Variants in DPYS observed in about 807,000 individuals in gnomAD.
DPYS encodes dihydropyrimidine amidohydrolase.
Under a neutral mutation model 50.3 loss-of-function variants are expected in DPYS, and 39 were observed. That is an observed-to-expected ratio of 0.78 (90% CI 0.60 to 1.01). The LOEUF (loss-of-function observed/expected upper bound fraction) is 1.01, where lower values mean the gene tolerates loss of function less well. DPYS is among the 50% of genes least tolerant of loss of function. DPYS has a pLI of 0.00. For missense variants in DPYS, 659 were observed against 680.9 expected (o/e 0.97, Z 0.36); for synonymous variants, 245 against 250.7 (o/e 0.98, Z 0.22).
intron 8 of DPYS, among the ~76,000 whole-genome samples, chr8:104,392,063 G>T (rs1050317986): frequency 2.0e-5 from 3 of 152,230 alleles, no homozygotes; most frequent in Non-Finnish European, 2.9e-5. Flanking sequence ...GCGAGGGCAA[G>T]AGAGAATTTA....
intron 7 of DPYS, among the ~76,000 whole-genome samples, chr8:104,407,281 C>T (rs1588416596): frequency 6.6e-6 from 1 of 152,212 alleles, no homozygotes; most frequent in Admixed American, 6.5e-5. Flanking sequence ...TATAGTGTCT[C>T]TCACTATAAG....
intron 7 of DPYS, among the ~76,000 whole-genome samples, chr8:104,399,311 C>CA (rs1188049345): frequency 0.018 from 515 of 28,060 alleles, 25 homozygotes; most frequent in Non-Finnish European, 0.029. Flanking sequence ...AAAAAAAAAA[C>CA]AACAACAAAA....
chr8:104,445,906 G>T (rs555138497), intron 3 of DPYS, among the ~76,000 whole-genome samples: 2 of 152,086 alleles, frequency 1.3e-5, no homozygotes, highest in South Asian at 2.1e-4. Flanking sequence ...TTAGCCGGGC[G>T]TGGTGGCGGG....
intron 4 of DPYS, among the ~76,000 whole-genome samples, chr8:104,431,779 G>T (rs1812964978): frequency 6.6e-6 from 1 of 152,082 alleles, no homozygotes; most frequent in African/African-American, 2.4e-5. Flanking sequence ...AAAAATTGAT[G>T]TTCAATGAGA....
intron 7 of DPYS, among the ~76,000 whole-genome samples, chr8:104,416,876 A>C (rs969403605): frequency 1.3e-5 from 2 of 152,174 alleles, no homozygotes; most frequent in Admixed American, 6.5e-5. Context: ...CCCACGCCCT[A>C]CAATCCCTAC....
chr8:104,439,216 A>G (rs1443895221), intron 4 of DPYS, among the ~76,000 whole-genome samples: 1 of 152,218 alleles, frequency 6.6e-6, no homozygotes, highest in African/African-American at 2.4e-5. Context: ...GAGTCAAGTG[A>G]TACTGTCAAA....
intron 1 of DPYS, among the ~76,000 whole-genome samples, chr8:104,465,665 A>G (rs371135449): frequency 1.1e-3 from 171 of 152,126 alleles, no homozygotes; most frequent in African/African-American, 3.8e-3. Flanking sequence ...TACTAACACT[A>G]ACGACAGCCA....
intron 7 of DPYS, among the ~76,000 whole-genome samples, chr8:104,410,355 G>C (rs1812133526): frequency 6.6e-6 from 1 of 152,042 alleles, no homozygotes; most frequent in Non-Finnish European, 1.5e-5. Flanking sequence ...TTCCCCAGCC[G>C]ACAGGCCTAG....
chr8:104,402,447 T>G (rs1338434193), intron 7 of DPYS, among the ~76,000 whole-genome samples: 1 of 152,148 alleles, frequency 6.6e-6, no homozygotes, highest in African/African-American at 2.4e-5. Context: ...TACTTATAGG[T>G]AAGGTACGAT....
chr8:104,401,286 AGG>A, intron 7 of DPYS, among the ~76,000 whole-genome samples: 1 of 126,976 alleles, frequency 7.9e-6, no homozygotes, highest in Admixed American at 8.0e-5. Context: ...CCTATGAGGT[AGG>A]TATTATTATT....
chr8:104,441,617 A>C (rs1276648165), intron 4 of DPYS, among the ~76,000 whole-genome samples: 2 of 152,216 alleles, frequency 1.3e-5, no homozygotes, highest in Non-Finnish European at 1.5e-5. Flanking sequence ...CCACGAGCCA[A>C]GTAATTGGAG....
chr8:104,466,205 T>C (rs1446527919), intron 1 of DPYS, among the ~76,000 whole-genome samples: 1 of 151,992 alleles, frequency 6.6e-6, no homozygotes, highest in Admixed American at 6.6e-5. Flanking sequence ...TGGTTTTGGT[T>C]GGGGATAAAG....
chr8:104,458,766 T>C (rs1814018207), intron 1 of DPYS, among the ~76,000 whole-genome samples: 1 of 152,234 alleles, frequency 6.6e-6, no homozygotes, highest in African/African-American at 2.4e-5. Flanking sequence ...GTCCTGGCCC[T>C]GTAGTTTCCT....
intron 7 of DPYS, among the ~76,000 whole-genome samples, chr8:104,395,870 A>G (rs933111576): frequency 2.6e-5 from 4 of 151,142 alleles, no homozygotes; most frequent in African/African-American, 9.7e-5. Context: ...AAGAGCTTTC[A>G]GTGACCTTAG....
At chr8:104,442,885 G>C (rs1282736225) in intron 4 of DPYS, among the ~76,000 whole-genome samples, 1 of 152,182 alleles carries the variant, frequency 6.6e-6, no homozygotes, top group Non-Finnish European at 1.5e-5. Flanking sequence ...AACATGGCGA[G>C]ACCCTGTCTC....
At chr8:104,386,724 T>C (rs3793360) in intron 8 of DPYS, among the ~76,000 whole-genome samples, 51,667 of 151,274 alleles carry the variant, frequency 0.34, 11,271 homozygotes, top group African/African-American at 0.61. Context: ...GCCTTCTGAG[T>C]TCAAATGATT....
At chr8:104,448,856 T>G (rs1382878139) in intron 2 of DPYS, among the ~76,000 whole-genome samples, 2 of 152,190 alleles carry the variant, frequency 1.3e-5, no homozygotes, top group Non-Finnish European at 2.9e-5. Flanking sequence ...TTTATTCCCT[T>G]GGAAATGTCC....
At chr8:104,385,528 CT>C (rs1456132120) in intron 8 of DPYS, among the ~76,000 whole-genome samples, 3 of 152,210 alleles carry the variant, frequency 2.0e-5, no homozygotes, top group Non-Finnish European at 4.4e-5. Context: ...GACAGCAATT[CT>C]TTCCATCTTG....
chr8:104,432,683 G>A (rs981112875), intron 4 of DPYS, among the ~76,000 whole-genome samples: 14 of 152,224 alleles, frequency 9.2e-5, no homozygotes, highest in African/African-American at 3.1e-4. Flanking sequence ...TTCAAATCCT[G>A]CTTTTGCTAC....
Sources: gnomAD v4.1 joint callset for allele counts (sites outside exome capture counted in the v4.1 genomes callset) on GRCh38, gnomAD v4.1.1 for gene constraint, MANE v1.5 for transcripts, NCBI Gene and HGNC (gene_info 2026-07-23, HGNC 2026-07-21) for gene names.